Variants in CHFR observed in about 807,000 individuals in gnomAD.
The protein encoded by CHFR is checkpoint with forkhead and ring finger domains, also known as E3 ubiquitin-protein ligase CHFR.
In CHFR, 57 loss-of-function variants were observed where a neutral mutation model predicts 87.6. That is an observed-to-expected ratio of 0.65 (90% confidence interval 0.53 to 0.81). CHFR has a LOEUF of 0.81. Ranked by LOEUF, CHFR falls within the 30% of genes least tolerant of loss-of-function variation. The pLI is 0.00. For synonymous variants in CHFR, 381 were observed against 359.2 expected (o/e 1.06, Z -0.69); for missense variants, 797 against 865.8 (o/e 0.92, Z 1.00).
intron 2 of CHFR, among the ~76,000 whole-genome samples, chr12:132,880,249 G>T (rs950724074): frequency 6.6e-6 from 1 of 152,184 alleles, no homozygotes; most frequent in African/African-American, 2.4e-5. Context: ...GAAACTTCCA[G>T]TGGAAAAGAC....
At position 132,878,769 on chromosome 12, in the gene CHFR, G is replaced by A. The variant is rs560347761; in HGVS notation, c.134-1115C>T. On this transcript the variant is annotated intron_variant, in intron 2 of 17. Transcript: ENST00000450056. ...CGGGAGGAGGAGCTTGCAGTGAGCC[G>A]ATATGGCGCCACTGCACTCCAGCCT... Among the ~76,000 whole-genome samples the A allele has an allele frequency of 2.1e-5, 3 of 140,228 alleles. 1 individual carries two copies. The highest frequency in any genetic ancestry group is 2.2e-4 in the East Asian group (1 of 4,474). 92.0% of individuals were successfully genotyped at this position (140,228 alleles called of 152,430 possible).
chr12:132,858,082 C>A (rs1466395584), intron 8 of CHFR, among the ~76,000 whole-genome samples: 3 of 152,246 alleles, frequency 2.0e-5, no homozygotes, highest in East Asian at 3.9e-4. Context: ...GGTAGCCATG[C>A]GGGGTGGCTC....
chr12:132,856,824 C>G (rs890644621), intron 9 of CHFR, 194 bp from the exon 10 acceptor site: 1 of 697,916 alleles, frequency 1.4e-6, no homozygotes, highest in Non-Finnish European at 2.6e-6. Context: ...CTCACGTGCC[C>G]GGGTGCTGGT....
intron 6 of CHFR, among the ~76,000 whole-genome samples, chr12:132,862,913 T>C (rs113495299): frequency 1.3e-4 from 19 of 149,256 alleles, no homozygotes; most frequent in Non-Finnish European, 2.1e-4. Context: ...TTTTTCTTTT[T>C]TGAGACAGAG....
intron 1 of CHFR, 37 bp from the exon 2 acceptor site, chr12:132,887,377 A>C (rs1593551454): frequency 7.9e-7 from 1 of 1,264,878 alleles, no homozygotes; most frequent in South Asian, 2.5e-5. Context: ...GAGACTCCCG[A>C]CCCCAGAGGC....
intron 2 of CHFR, among the ~76,000 whole-genome samples, chr12:132,883,848 C>T (rs551357445): frequency 6.6e-6 from 1 of 152,316 alleles, no homozygotes; most frequent in South Asian, 2.1e-4. Flanking sequence ...CGAGGTGGCT[C>T]ATGGCTGTAA....
rs947053559 is a variant in CHFR at position 132,856,653 on chromosome 12, C to G, written c.1067-23G>C. On this transcript the variant is annotated intron_variant, in intron 9 of 17. Transcript: ENST00000450056. ...TGTCTAGAATTGAAAGGACACAGCG[C>G]CATTCACCGGCAGTGAGACATGGCA... The G allele has an allele frequency of 2.5e-6, 4 of 1,612,062 alleles. No homozygotes were observed. The African/African-American group carries it at 5.3e-5, about 22-fold the overall frequency.
Position 132,834,540 on chromosome 12 carries a change from C to G in CHFR, c.*7014G>C, listed in dbSNP as rs949333189. 4.6e-5 allele frequency: 7 copies of G among 152,320 alleles called. No individual in the cohort carries two copies. Among genetic ancestry groups the G allele is most frequent in the African/African-American group, 1.7e-4 (7 of 41,548 alleles). The allele number at this position is 152,320 out of a possible 1,614,324, so 9.4% of individuals were successfully genotyped here. On this transcript the variant is annotated 3_prime_UTR_variant, in exon 18 of 18. Coordinates refer to ENST00000450056, the MANE Select transcript of CHFR (RefSeq NM_001161346.2). ...AGCTCGGAAGTCCAAAATGAAGGGG[C>G]AGGCAGGGCTGGTTCCTTCTGGTGG...
At chr12:132,842,268 G>A (rs908522797) in intron 17 of CHFR, among the ~76,000 whole-genome samples, 3 of 152,224 alleles carry the variant, frequency 2.0e-5, no homozygotes, top group Non-Finnish European at 4.4e-5. Context: ...CCTCTCCACA[G>A]ACTGTGGGCA....
Position 132,836,984 on chromosome 12 carries a change from T to C in CHFR, c.*4570A>G. ...TTTCCTTTCCGATAGTGACAGGTGC[T>C]GGGGGGAAACTAGACTGGCTGGCGG... On this transcript the variant is annotated 3_prime_UTR_variant, in exon 18 of 18. Coordinates refer to ENST00000450056, the MANE Select transcript of CHFR (RefSeq NM_001161346.2). 3.1e-5 allele frequency: 11 copies of C among 358,010 alleles called. No individual in the cohort carries two copies. The highest frequency in any genetic ancestry group is 2.1e-4 in the South Asian group (10 of 48,188). 22.2% of individuals were successfully genotyped at this position (358,010 alleles called of 1,614,324 possible).
At chr12:132,851,054 G>A (rs975330411) in intron 12 of CHFR, among the ~76,000 whole-genome samples, 5 of 150,416 alleles carry the variant, frequency 3.3e-5, no homozygotes, top group South Asian at 2.1e-4. Context: ...ACAGTGGCAC[G>A]ATCTCAGCTC....
chr12:132,885,616 C>CT (rs977529736), intron 2 of CHFR, among the ~76,000 whole-genome samples: 1 of 152,078 alleles, frequency 6.6e-6, no homozygotes, highest in African/African-American at 2.4e-5. Flanking sequence ...CTCTCCTTGT[C>CT]TTAACATGTA....
chr12:132,871,351 C>T lies in CHFR; in HGVS notation c.344-568G>A, dbSNP rs545837095. ...CCTGTAATCCCAGCTACCTGGAAGG[C>T]TGAGGCAGGAGAATCGCTTGAAACC... On this transcript the variant is annotated intron_variant, in intron 4 of 17. Coordinates refer to ENST00000450056, the MANE Select transcript of CHFR (RefSeq NM_001161346.2). Among the ~76,000 whole-genome samples the T allele has an allele frequency of 3.9e-5, 6 of 152,210 alleles. No individual in the cohort carries two copies. The East Asian group carries it at 1.2e-3, about 29-fold the overall frequency.
chr12:132,843,913 C>T (rs895997802), intron 16 of CHFR, 114 bp downstream of exon 16: 7 of 624,858 alleles, frequency 1.1e-5, no homozygotes, highest in Non-Finnish European at 2.0e-5. Context: ...TGCACCACTG[C>T]ACTCCAGCCT....
At chr12:132,850,934 T>C (rs1950925972) in intron 12 of CHFR, among the ~76,000 whole-genome samples, 1 of 149,974 alleles carries the variant, frequency 6.7e-6, no homozygotes. Context: ...AAGGACAAGC[T>C]CCATTTTTAA....
intron 7 of CHFR, among the ~76,000 whole-genome samples, chr12:132,860,476 TCCACACCTTCC>T (rs1951187759): frequency 6.6e-6 from 1 of 152,208 alleles, no homozygotes; most frequent in South Asian, 2.1e-4. Context: ...GCTGACTCTT[TCCACACCTTCC>T]CCACACCGAT....
In CHFR at chr12:132,887,202, T is replaced by G; in HGVS notation, c.127A>C (p.Arg43=). Residue 43 remains arginine, a synonymous_variant, in exon 2 of 18, where the codon AGA becomes CGA. Transcript: ENST00000450056. ...LRKREWTIGR[R]RGCDLSFPSN... ...CCCGGCCTCAGCCCCGCACCTCGTC[T>G]CCGCCCGATGGTCCACTCCCGCTTC... 1 of 1,494,096 alleles carries G rather than the reference T, an allele frequency of 6.7e-7. No homozygotes were observed. Among genetic ancestry groups the G allele is most frequent in the Non-Finnish European group, 8.9e-7 (1 of 1,129,052 alleles). The allele number at this position is 1,494,096 out of a possible 1,614,324, so 92.6% of individuals were successfully genotyped here. A position where few individuals can be genotyped will look rare whatever the true frequency, so the allele number is the denominator to read the frequency against.
At chr12:132,847,701 GT>G in intron 14 of CHFR, 4 of 1,110,426 alleles carry the variant, frequency 3.6e-6, no homozygotes, top group Non-Finnish European at 3.3e-6. Context: ...CTTCCTAGAC[GT>G]GGGAAGGCAA....
intron 6 of CHFR, among the ~76,000 whole-genome samples, chr12:132,864,256 G>A (rs1464555751): frequency 2.6e-5 from 4 of 151,118 alleles, no homozygotes; most frequent in Admixed American, 6.6e-5. Context: ...CCTCATATAC[G>A]AACAGAAGGA....
Sources: allele counts gnomAD v4.1 joint callset (sites outside exome capture counted in the v4.1 genomes callset), GRCh38; gene constraint gnomAD v4.1.1; transcripts MANE v1.5; gene names NCBI Gene and HGNC (gene_info 2026-07-23, HGNC 2026-07-21).